The following COL18A1 variants were observed in gnomAD, a reference collection of about 807,000 sequenced individuals.
COL18A1 encodes collagen alpha-1(XVIII) chain.
COL18A1 carries 133 observed loss-of-function variants against 168.0 expected under a neutral mutation model. The ratio of observed to expected loss-of-function variants is 0.79; its 90% CI spans 0.69 to 0.91. The LOEUF (loss-of-function observed/expected upper bound fraction) is 0.91, where lower values mean the gene tolerates loss of function less well. Ranked by LOEUF, COL18A1 falls within the 40% of genes least tolerant of loss-of-function variation. The pLI, the probability that COL18A1 is intolerant of heterozygous loss-of-function variation, is 0.00. For synonymous variants in COL18A1, 949 were observed against 809.0 expected, an observed-to-expected ratio of 1.17 and a Z score of -2.94; for missense variants, 2,126 against 1,925.4, an observed-to-expected ratio of 1.10 and a Z score of -1.95.
At chr21:45,424,245 C>G (rs2033713586) in intron 2 of COL18A1, 1 of 152,290 alleles carries the variant, frequency 6.6e-6, no homozygotes, top group South Asian at 2.1e-4. Flanking sequence ...GGAGCAAACC[C>G]AGGCTTCCTG....
At chr21:45,450,666 C>G (rs995381287) in intron 2 of COL18A1, among the ~76,000 whole-genome samples, 1 of 152,206 alleles carries the variant, frequency 6.6e-6, no homozygotes, top group African/African-American at 2.4e-5. Context: ...AGGGTGGAAC[C>G]TTCCCGAAGA....
At chr21:45,494,971 C>A in intron 28 of COL18A1, 56 bp downstream of exon 28, 1 of 1,479,830 alleles carries the variant, frequency 6.8e-7, no homozygotes. Flanking sequence ...AGGTGGGGAG[C>A]AGCCCAGGCC....
chr21:45,485,511 A>G (rs2036079243), intron 15 of COL18A1, among the ~76,000 whole-genome samples: 1 of 150,846 alleles, frequency 6.6e-6, no homozygotes, highest in East Asian at 1.9e-4. Context: ...AGAAAAAAAA[A>G]TTAGATTTTT....
chr21:45,412,980 C>A (rs1236794314), intron 2 of COL18A1, among the ~76,000 whole-genome samples: 1 of 152,206 alleles, frequency 6.6e-6, no homozygotes, highest in South Asian at 2.1e-4. Flanking sequence ...TCACCCTCTC[C>A]GTGTCTTGGT....
chr21:45,491,906 A>G (rs2036366659), intron 22 of COL18A1, among the ~76,000 whole-genome samples: 2 of 151,338 alleles, frequency 1.3e-5, no homozygotes, highest in South Asian at 4.2e-4. Context: ...AGGGCAGCAG[A>G]GCTGGGTGTG....
At position 45,463,884 on chromosome 21, in the gene COL18A1, C is replaced by T. The variant is rs188754483; in HGVS notation, c.107-4358C>T. On this transcript the variant is annotated intron_variant, in intron 2 of 41. Transcript: ENST00000651438. The surrounding 1 kb of genome is among the most constrained non-coding windows in gnomAD (Gnocchi z 4.0). Reference sequence around the variant, plus strand: ...TGTACTCCAGCCTGGGCAACAAGAGCGAAACTCCATCTAAAAAAAAAAAAG... The same window carrying T: ...TGTACTCCAGCCTGGGCAACAAGAGTGAAACTCCATCTAAAAAAAAAAAAG... Among the ~76,000 whole-genome samples, 33 of 150,618 alleles carry T rather than the reference C, an allele frequency of 2.2e-4. 1 individual carries two copies. In the East Asian group the frequency reaches 4.5e-3, roughly 20 times the overall value.
rs2034441268 is a variant in COL18A1 at position 45,443,643 on chromosome 21, G to A, written c.107-24599G>A. ...CACGTGGGCGAAAAGTGAAGCCTCT[G>A]GGTGGTCCTGTACCTGTCTGTCACA... On this transcript the variant is annotated intron_variant, in intron 2 of 41. Transcript: ENST00000651438. The surrounding 1 kb of genome is among the most constrained non-coding windows in gnomAD (Gnocchi z 5.2). 6.6e-6 allele frequency among the ~76,000 whole-genome samples: 1 copy of A among 152,158 alleles called. No homozygotes were observed. The highest frequency in any genetic ancestry group is 1.5e-5 in the Non-Finnish European group (1 of 68,016).
At chr21:45,480,369 GAA>G in intron 11 of COL18A1, 96 bp from the exon 12 acceptor site, 1 of 1,607,692 alleles carries the variant, frequency 6.2e-7, no homozygotes, top group Non-Finnish European at 8.5e-7. Context: ...GCTCCTTGTA[GAA>G]ACAGCTCGAT....
In COL18A1 at chr21:45,505,889, C is replaced by T; in HGVS notation, c.3139C>T (p.Pro1047Ser). 1.2e-6 allele frequency: 2 copies of T among 1,611,990 alleles called. No individual in the cohort carries two copies. The highest frequency in any genetic ancestry group is 1.1e-5 in the South Asian group (1 of 91,068). ...CATGCTGGGCCAGGTGCACGAGGTT[C>T]CCGAGGGCTGGCTCATCTTCGTGGC... ...QAMLGQVHEV[P>S]EGWLIFVAEQ... The change falls in exon 37 of 42, where the codon CCC becomes TCC. Residue 1047 changes from proline (P) to serine (S), a missense_variant. Coordinates refer to ENST00000651438, the MANE Select transcript of COL18A1 (RefSeq NM_001379500.1).
intron 2 of COL18A1, among the ~76,000 whole-genome samples, chr21:45,437,358 G>A (rs111213113): frequency 0.033 from 497 of 15,286 alleles, 10 homozygotes; most frequent in East Asian, 0.19. Context: ...ACTCTCCTGC[G>A]CACACACACA....
chr21:45,496,062 G>A, intron 29 of COL18A1: 1 of 348,438 alleles, frequency 2.9e-6, no homozygotes, highest in South Asian at 2.2e-5. Flanking sequence ...GGCATCCATG[G>A]GCCTGGGCCA....
At chr21:45,502,675 G>A (rs1279225244) in intron 32 of COL18A1, 2 of 152,154 alleles carry the variant, frequency 1.3e-5, no homozygotes, top group African/African-American at 4.8e-5. Context: ...TTTCAGCAAA[G>A]GGCTCCTCCG....
In COL18A1 at chr21:45,488,412, T is replaced by C; in HGVS notation, c.1897-6T>C. 6.2e-7 allele frequency: 1 copy of C among 1,613,882 alleles called. No homozygotes were observed. The highest frequency in any genetic ancestry group is 8.5e-7 in the Non-Finnish European group (1 of 1,179,996). On this transcript the variant is annotated splice_polypyrimidine_tract_variant and splice_region_variant and intron_variant, in intron 17 of 41. Transcript: ENST00000651438. ...CACTAACACTGTGTCTCCTCTGCCC[T>C]GACAGGGACCTCCCGGCCTGCCGGG... is the stretch of plus-strand genomic sequence containing the variant.
chr21:45,411,390 C>A (rs1473137470), intron 2 of COL18A1, among the ~76,000 whole-genome samples: 1 of 152,144 alleles, frequency 6.6e-6, no homozygotes, highest in East Asian at 1.9e-4. Flanking sequence ...TGGGGATAGC[C>A]CAGCCACTGT....
rs770025149 is a variant in COL18A1 at position 45,473,845 on chromosome 21, C to T, written c.652-50C>T. ...TGGAGCTCAAGCAGCACCGGGGTTG[C>T]CACTGCCACCTCAGGACCGCTGGTG... is the stretch of plus-strand genomic sequence containing the variant. On this transcript the variant is annotated intron_variant, in intron 3 of 41. Transcript: ENST00000651438. This position sits in a 1 kb window ranked among gnomAD's most constrained non-coding sequence, Gnocchi z 4.0. 1.6e-5 allele frequency: 24 copies of T among 1,475,046 alleles called. No homozygotes were observed. Among genetic ancestry groups the T allele is most frequent in the Non-Finnish European group, 1.9e-5 (21 of 1,077,278 alleles). The allele number at this position is 1,475,046 out of a possible 1,614,324, so 91.4% of individuals were successfully genotyped here. A position where few individuals can be genotyped will look rare whatever the true frequency, so the allele number is the denominator to read the frequency against.
At chr21:45,500,453 CTGGGTGTGTAGTG>C (rs1161952844) in intron 32 of COL18A1, among the ~76,000 whole-genome samples, 1 of 51,724 alleles carries the variant, frequency 1.9e-5, no homozygotes, top group Non-Finnish European at 3.6e-5. Context: ...TATGGGGGTG[CTGGGTGTGTAGTG>C]TGGGGGTGTG....
chr21:45,502,267 G>A (rs546887190), intron 32 of COL18A1, among the ~76,000 whole-genome samples: 3 of 152,344 alleles, frequency 2.0e-5, no homozygotes, highest in African/African-American at 7.2e-5. Context: ...TGCCTCCAGG[G>A]GTGAGGTGGT....
At chr21:45,503,163 T>C (rs944172155) in intron 32 of COL18A1, among the ~76,000 whole-genome samples, 2 of 152,222 alleles carry the variant, frequency 1.3e-5, no homozygotes, top group African/African-American at 4.8e-5. Flanking sequence ...TCCACAATGG[T>C]TGAACTAGTT....
chr21:45,510,367 G>C (rs962827285), intron 40 of COL18A1, 106 bp downstream of exon 40: 1 of 1,283,316 alleles, frequency 7.8e-7, no homozygotes, highest in Non-Finnish European at 1.1e-6. Flanking sequence ...AGGCCACCAT[G>C]TTACAGACAC....
Sources: allele counts gnomAD v4.1 joint callset (sites outside exome capture counted in the v4.1 genomes callset), GRCh38; gene constraint gnomAD v4.1.1; non-coding constraint Gnocchi (gnomAD v3.1); transcripts MANE v1.5; gene names NCBI Gene and HGNC (gene_info 2026-07-23, HGNC 2026-07-21).